OTOGL: variants seen among roughly 807,000 people sequenced by gnomAD.
OTOGL encodes otogelin like.
A neutral mutation model predicts 318.5 loss-of-function variants in OTOGL; 285 were observed. The observed-to-expected ratio is 0.89, with a 90% CI of 0.81 to 0.99. The LOEUF (loss-of-function observed/expected upper bound fraction) is 0.99. Ranked by LOEUF, OTOGL falls within the 50% of genes least tolerant of loss-of-function variation. The pLI is 0.00. For missense variants in OTOGL, 2,899 were observed against 2,845.6 expected, an observed-to-expected ratio of 1.02 and a Z score of -0.43; for synonymous variants, 987 against 936.5, an observed-to-expected ratio of 1.05 and a Z score of -0.99.
chr12:80,263,213 C>A (rs1882688675), intron 19 of OTOGL, among the ~76,000 whole-genome samples: 1 of 152,062 alleles, frequency 6.6e-6, no homozygotes, highest in Non-Finnish European at 1.5e-5. Flanking sequence ...TAATCTCACT[C>A]CCATTTAACA....
chr12:80,206,685 TA>T (rs1464947071), intron 1 of OTOGL, among the ~76,000 whole-genome samples: 1 of 151,096 alleles, frequency 6.6e-6, no homozygotes, highest in African/African-American at 2.4e-5. Context: ...AATTGTTTTG[TA>T]TTTTTTTTTT....
intron 1 of OTOGL, among the ~76,000 whole-genome samples, chr12:80,180,609 T>C (rs12311409): frequency 0.54 from 81,655 of 151,976 alleles, 23,776 homozygotes; most frequent in African/African-American, 0.78. Flanking sequence ...TGAGAAATCG[T>C]GTAAATGGGC....
At chr12:80,221,983 A>G in intron 6 of OTOGL, 108 bp from the exon 7 acceptor site, 4 of 1,260,230 alleles carry the variant, frequency 3.2e-6, no homozygotes, top group Non-Finnish European at 4.3e-6. Context: ...TTATAGACCA[A>G]GGAAGGAAAT....
At chr12:80,170,913 G>T (rs1012951022) in intron 1 of OTOGL, among the ~76,000 whole-genome samples, 1 of 152,112 alleles carries the variant, frequency 6.6e-6, no homozygotes, top group Non-Finnish European at 1.5e-5. Context: ...TATGGATCAT[G>T]CATTTGGTGG....
chr12:80,321,385 T>C (rs1024777213), intron 34 of OTOGL, among the ~76,000 whole-genome samples: 2 of 152,134 alleles, frequency 1.3e-5, no homozygotes, highest in Non-Finnish European at 2.9e-5. Context: ...CAGCAACTAA[T>C]TTGCCTTTTC....
intron 1 of OTOGL, among the ~76,000 whole-genome samples, chr12:80,185,806 A>G (rs1374943222): frequency 2.0e-5 from 3 of 152,250 alleles, no homozygotes; most frequent in East Asian, 3.8e-4. Context: ...GCTGTATCTT[A>G]AAGTCTATAT....
At chr12:80,347,643 T>C (rs1247762671) in intron 44 of OTOGL, among the ~76,000 whole-genome samples, 12 of 152,188 alleles carry the variant, frequency 7.9e-5, no homozygotes, top group Admixed American at 7.9e-4. Context: ...TACCCAGTAA[T>C]GGGATTGCTG....
chr12:80,198,355 G>A (rs926965507), intron 1 of OTOGL, among the ~76,000 whole-genome samples: 4 of 152,112 alleles, frequency 2.6e-5, no homozygotes, highest in Non-Finnish European at 5.9e-5. Flanking sequence ...GGGGGGCCGA[G>A]GCAGGCGGAT....
chr12:80,126,193 CT>C (rs1485166232), intron 1 of OTOGL, among the ~76,000 whole-genome samples: 1 of 152,056 alleles, frequency 6.6e-6, no homozygotes, highest in African/African-American at 2.4e-5. Flanking sequence ...GTAAATTTCC[CT>C]CTACACACTG....
intron 1 of OTOGL, among the ~76,000 whole-genome samples, chr12:80,146,780 G>A (rs964916135): frequency 6.6e-6 from 1 of 151,052 alleles, no homozygotes; most frequent in Non-Finnish European, 1.5e-5. Context: ...TCCTGGTTTA[G>A]TCTTGGGAGA....
intron 49 of OTOGL, among the ~76,000 whole-genome samples, 193 bp downstream of exon 49, chr12:80,357,107 A>G (rs181818301): frequency 1.1e-4 from 17 of 152,292 alleles, no homozygotes; most frequent in African/African-American, 3.1e-4. Flanking sequence ...ACCTTCCCCC[A>G]TCAACAAAAA....
intron 44 of OTOGL, among the ~76,000 whole-genome samples, chr12:80,345,037 C>T (rs1979135): frequency 0.86 from 102,845 of 119,134 alleles, 43,290 homozygotes; most frequent in East Asian, 0.96. Context: ...TATATTATAA[C>T]ATATATTATT....
At chr12:80,194,365 G>A (rs1421814750) in intron 1 of OTOGL, among the ~76,000 whole-genome samples, 2 of 152,028 alleles carry the variant, frequency 1.3e-5, no homozygotes, top group African/African-American at 2.4e-5. Context: ...AGTTTCTTCC[G>A]ATACTTGCAA....
intron 1 of OTOGL, among the ~76,000 whole-genome samples, chr12:80,205,092 A>G (rs1238167482): frequency 1.3e-5 from 2 of 152,228 alleles, no homozygotes; most frequent in Non-Finnish European, 2.9e-5. Context: ...TTCTTTCTCA[A>G]CAACTCTAAA....
intron 24 of OTOGL, among the ~76,000 whole-genome samples, chr12:80,276,115 A>G (rs1883787490): frequency 6.6e-6 from 1 of 151,786 alleles, no homozygotes; most frequent in Admixed American, 6.6e-5. Flanking sequence ...AAAACTCATC[A>G]GTCATTAATT....
intron 58 of OTOGL, among the ~76,000 whole-genome samples, chr12:80,377,472 A>G (rs550805436): frequency 1.3e-5 from 2 of 152,280 alleles, no homozygotes; most frequent in East Asian, 1.9e-4. Flanking sequence ...TCACTATGCA[A>G]TTTTACTCAG....
At chr12:80,211,182 T>G (rs1477216002) in intron 3 of OTOGL, among the ~76,000 whole-genome samples, 1 of 152,044 alleles carries the variant, frequency 6.6e-6, no homozygotes, top group South Asian at 2.1e-4. Flanking sequence ...TTCAAAAGTT[T>G]GTAAAATAAG....
At chr12:80,243,868 TAC>T (rs1024776757) in intron 11 of OTOGL, among the ~76,000 whole-genome samples, 20 of 135,018 alleles carry the variant, frequency 1.5e-4, no homozygotes, top group African/African-American at 7.1e-4. Context: ...TATATATATA[TAC>T]GATTCCATTA....
chr12:80,313,406 T>C, intron 30 of OTOGL, 70 bp from the exon 31 acceptor site: 3 of 1,430,210 alleles, frequency 2.1e-6, no homozygotes, highest in Non-Finnish European at 2.9e-6. Flanking sequence ...CACATAGTTT[T>C]TTAGACGGTT....
Sources: gnomAD v4.1 joint callset for allele counts (sites outside exome capture counted in the v4.1 genomes callset) on GRCh38, gnomAD v4.1.1 for gene constraint, MANE v1.5 for transcripts, NCBI Gene and HGNC (gene_info 2026-07-23, HGNC 2026-07-21) for gene names.